ADCYAP1R1: variants seen among roughly 807,000 people sequenced by gnomAD.
ADCYAP1R1 encodes the protein ADCYAP receptor type I, also known as pituitary adenylate cyclase-activating polypeptide type I receptor.
In ADCYAP1R1, 44 loss-of-function variants were observed where a neutral mutation model predicts 67.6. The observed-to-expected ratio is 0.65, with a 90% CI of 0.51 to 0.84. The LOEUF is 0.84. ADCYAP1R1 is among the 40% of genes least tolerant of loss of function. The pLI is 0.00. For synonymous variants in ADCYAP1R1, 222 were observed against 219.6 expected (o/e 1.01, Z -0.10); for missense variants, 477 against 587.9 (o/e 0.81, Z 1.95).
intron 13 of ADCYAP1R1, among the ~76,000 whole-genome samples, chr7:31,097,527 A>AG (rs1397463418): frequency 3.3e-5 from 5 of 152,150 alleles, no homozygotes; most frequent in South Asian, 2.1e-4. Flanking sequence ...CTCCAGGGCC[A>AG]GTCCTCCCCC....
At chr7:31,082,247 C>T (rs1424803362) in intron 6 of ADCYAP1R1, among the ~76,000 whole-genome samples, 1 of 152,142 alleles carries the variant, frequency 6.6e-6, no homozygotes, top group African/African-American at 2.4e-5. Flanking sequence ...CCAAAAGTTT[C>T]GTGTTCCTGT....
rs369834463 is a variant in ADCYAP1R1 at position 31,092,745 on chromosome 7, A to G, written c.1046+10A>G. 5.1e-4 allele frequency: 817 copies of G among 1,598,226 alleles called. 13 individuals are homozygous for G. In the South Asian group the frequency reaches 7.3e-3, roughly 14 times the overall value. On this transcript the variant is annotated intron_variant, in intron 13 of 15. Coordinates refer to ENST00000304166, the MANE Select transcript of ADCYAP1R1 (RefSeq NM_001118.5). ...AGTCCAGCATCTACTTGTAAGTACCATTGTGTGGCTGCCACAGCCATTTCT... is the reference window on the plus strand; with the variant it reads ...AGTCCAGCATCTACTTGTAAGTACCGTTGTGTGGCTGCCACAGCCATTTCT...
At chr7:31,053,937 T>G (rs1291525987) in intron 1 of ADCYAP1R1, among the ~76,000 whole-genome samples, 1 of 152,172 alleles carries the variant, frequency 6.6e-6, no homozygotes, top group African/African-American at 2.4e-5. Context: ...AAACTATGTT[T>G]GAGCCTTTGG....
At chr7:31,100,868 T>A (rs2128639466) in intron 13 of ADCYAP1R1, among the ~76,000 whole-genome samples, 1 of 152,320 alleles carries the variant, frequency 6.6e-6, no homozygotes, top group Admixed American at 6.5e-5. Flanking sequence ...TTACTTAAGG[T>A]GCCATTGCTC....
At position 31,108,741 on chromosome 7, in the gene ADCYAP1R1, A is replaced by T. The variant is rs928112836; in HGVS notation, c.*2057A>T. 1 of 123,790 alleles carries T rather than the reference A, an allele frequency of 8.1e-6. No individual in the cohort carries two copies. Among genetic ancestry groups the T allele is most frequent in the African/African-American group, 3.7e-5 (1 of 26,904 alleles). 7.7% of individuals were successfully genotyped at this position (123,790 alleles called of 1,614,324 possible). A position where few individuals can be genotyped will look rare whatever the true frequency, so the allele number is the denominator to read the frequency against. On this transcript the variant is annotated 3_prime_UTR_variant, in exon 16 of 16. Transcript: ENST00000304166. ...TTGTGCCTCATATCAGGTTTTGATG[A>T]ATATATGTGTGTGTGTGTGTGTGTG... is the stretch of plus-strand genomic sequence containing the variant.
chr7:31,063,912 G>T (rs2128617140), intron 2 of ADCYAP1R1, among the ~76,000 whole-genome samples: 1 of 152,350 alleles, frequency 6.6e-6, no homozygotes, highest in African/African-American at 2.4e-5. Context: ...GTAGGGATTG[G>T]ACTATGTCCC....
chr7:31,060,716 AAG>A (rs1192146274), intron 1 of ADCYAP1R1, among the ~76,000 whole-genome samples: 7 of 151,884 alleles, frequency 4.6e-5, no homozygotes, highest in Admixed American at 4.6e-4. Context: ...GAGAGAGAGA[AAG>A]AGAGAGAAAC....
chr7:31,059,341 C>T (rs1794392954), intron 1 of ADCYAP1R1, among the ~76,000 whole-genome samples: 1 of 152,204 alleles, frequency 6.6e-6, no homozygotes, highest in South Asian at 2.1e-4. Context: ...TTTTCCCAAG[C>T]TCCTGGGGCA....
intron 2 of ADCYAP1R1, among the ~76,000 whole-genome samples, chr7:31,064,298 C>T (rs1016751678): frequency 1.3e-5 from 2 of 151,844 alleles, no homozygotes; most frequent in African/African-American, 4.9e-5. Flanking sequence ...GACTTCTCCC[C>T]TACCACTTGT....
At chr7:31,083,369 G>A (rs1296797889) in intron 6 of ADCYAP1R1, among the ~76,000 whole-genome samples, 1 of 152,184 alleles carries the variant, frequency 6.6e-6, no homozygotes, top group Non-Finnish European at 1.5e-5. Flanking sequence ...GGACTTCACT[G>A]TGCAGCCAGC....
intron 11 of ADCYAP1R1, 123 bp downstream of exon 11, chr7:31,087,126 T>C: frequency 8.5e-7 from 1 of 1,175,176 alleles, no homozygotes; most frequent in South Asian, 1.4e-5. Flanking sequence ...AGGCCCAGAC[T>C]AAAGCCCAGC....
At chr7:31,060,302 T>C (rs932095723) in intron 1 of ADCYAP1R1, among the ~76,000 whole-genome samples, 3 of 152,224 alleles carry the variant, frequency 2.0e-5, no homozygotes, top group African/African-American at 4.8e-5. Flanking sequence ...GTATATCTTA[T>C]TGCCTCTCTA....
In ADCYAP1R1 at chr7:31,086,472, C is replaced by T; in HGVS notation, c.758C>T (p.Thr253Ile). Residue 253 changes from threonine to isoleucine, a missense_variant, in exon 10 of 16, where the codon ACT becomes ATT. Physicochemically the swap from Thr to Ile is moderately conservative, Grantham distance 89 (BLOSUM62 -1). Transcript: ENST00000304166. This position sits in a 1 kb window ranked among gnomAD's most constrained non-coding sequence, Gnocchi z 5.0. ...TTCATCGAGGGCCTGTACCTCTTCA[C>T]TCTGCTGGTGGAGACCTTCTTCCCT... ...WLFIEGLYLF[T>I]LLVETFFPER... 5 of 1,614,252 alleles carry T rather than the reference C, an allele frequency of 3.1e-6. No homozygotes were observed. The highest frequency in any genetic ancestry group is 2.2e-5 in the East Asian group (1 of 44,886).
intron 3 of ADCYAP1R1, among the ~76,000 whole-genome samples, chr7:31,076,484 C>T (rs1795222712): frequency 6.6e-6 from 1 of 152,190 alleles, no homozygotes; most frequent in Non-Finnish European, 1.5e-5. Flanking sequence ...TAAAGCTTGA[C>T]AGTTTCCTCT....
chr7:31,069,139 C>T (rs767614424), intron 3 of ADCYAP1R1, among the ~76,000 whole-genome samples: 1 of 152,162 alleles, frequency 6.6e-6, no homozygotes, highest in Non-Finnish European at 1.5e-5. Flanking sequence ...GTCTGAGAAC[C>T]ACTGGCCAGA....
rs1294466322 is a variant in ADCYAP1R1 at position 31,095,719 on chromosome 7, G to A, written c.1046+2984G>A. 4.2e-6 allele frequency: 3 copies of A among 717,866 alleles called. No individual in the cohort carries two copies. In the African/African-American group the frequency reaches 5.2e-5, roughly 13 times the overall value. The allele number at this position is 717,866 out of a possible 1,614,324, so 44.5% of individuals were successfully genotyped here. On this transcript the variant is annotated intron_variant, in intron 13 of 15. Coordinates refer to ENST00000304166, the MANE Select transcript of ADCYAP1R1 (RefSeq NM_001118.5). The stretch of plus-strand genomic sequence containing the variant: ...GAAAGCCCGAGAGGACCCCCTGCCT[G>A]TGCCCTCAGACCAGCATTCACTCCC...
chr7:31,060,345 A>T (rs940595036), intron 1 of ADCYAP1R1, among the ~76,000 whole-genome samples: 9 of 152,202 alleles, frequency 5.9e-5, no homozygotes, highest in African/African-American at 2.2e-4. Flanking sequence ...GAGTGTGTGT[A>T]AGCGTGAATT....
intron 13 of ADCYAP1R1, among the ~76,000 whole-genome samples, chr7:31,100,416 T>G (rs1270549799): frequency 6.6e-6 from 1 of 152,048 alleles, no homozygotes; most frequent in Non-Finnish European, 1.5e-5. Flanking sequence ...GGTGTGGGGA[T>G]GGATCTACGG....
At chr7:31,071,153 G>C (rs1794958849) in intron 3 of ADCYAP1R1, among the ~76,000 whole-genome samples, 1 of 152,176 alleles carries the variant, frequency 6.6e-6, no homozygotes. Flanking sequence ...ATGGAGTTTT[G>C]AACACTGTGG....
Sources: allele counts gnomAD v4.1 joint callset (sites outside exome capture counted in the v4.1 genomes callset), GRCh38; gene constraint gnomAD v4.1.1; non-coding constraint Gnocchi (gnomAD v3.1); transcripts MANE v1.5; gene names NCBI Gene and HGNC (gene_info 2026-07-23, HGNC 2026-07-21).